Variants in FGD6 observed in about 807,000 individuals in gnomAD.
FGD6 encodes FYVE, RhoGEF and PH domain-containing protein 6.
FGD6 carries 90 observed loss-of-function variants against 149.4 expected under a neutral mutation model. The observed-to-expected ratio is 0.60, with a 90% CI of 0.51 to 0.72. The LOEUF is 0.72. Among genes scored for constraint, FGD6 ranks in the 30% least tolerant of loss-of-function variants. FGD6 has a pLI of 0.00. For synonymous variants in FGD6, 527 were observed against 584.0 expected (o/e 0.90, Z 1.41); for missense variants, 1,437 against 1,684.8 (o/e 0.85, Z 2.57).
At chr12:95,187,652 C>CAAAA (rs748641850) in intron 2 of FGD6, among the ~76,000 whole-genome samples, 1 of 106,686 alleles carries the variant, frequency 9.4e-6, no homozygotes. Context: ...GCTGCGTCCC[C>CAAAA]AAAAAAAAAA....
chr12:95,102,477 A>C (rs1230061703), intron 14 of FGD6, among the ~76,000 whole-genome samples: 1 of 151,128 alleles, frequency 6.6e-6, no homozygotes, highest in Non-Finnish European at 1.5e-5. Flanking sequence ...ACACAACAAC[A>C]ATAAAGGAAA....
intron 5 of FGD6, among the ~76,000 whole-genome samples, chr12:95,152,142 A>T (rs1880327194): frequency 6.6e-6 from 1 of 152,090 alleles, no homozygotes; most frequent in South Asian, 2.1e-4. Flanking sequence ...CCCGGGTAAC[A>T]TGTTGAAACC....
intron 8 of FGD6, among the ~76,000 whole-genome samples, chr12:95,115,107 G>A (rs1878966637): frequency 6.6e-6 from 1 of 152,150 alleles, no homozygotes. Flanking sequence ...CTCACTTTAT[G>A]CTTCTATCAT....
At position 95,086,000 on chromosome 12, in the gene FGD6, C is replaced by T. The variant is rs1877852402; in HGVS notation, c.3979-92G>A. The stretch of plus-strand genomic sequence containing the variant: ...AACCAATAGGTGCTGAAAGCAATAA[C>T]TGTAATGATAGAATGTTTCAGAATG... On this transcript the variant is annotated intron_variant, in intron 18 of 20. Coordinates refer to ENST00000343958, the MANE Select transcript of FGD6 (RefSeq NM_018351.4). 3 of 1,207,438 alleles carry T rather than the reference C, an allele frequency of 2.5e-6. No homozygotes were observed. The South Asian group carries it at 4.6e-5, about 19-fold the overall frequency. The allele number at this position is 1,207,438 out of a possible 1,614,324, so 74.8% of individuals were successfully genotyped here. A position where few individuals can be genotyped will look rare whatever the true frequency, so the allele number is the denominator to read the frequency against.
At chr12:95,134,877 G>T in intron 7 of FGD6, 51 bp from the exon 8 acceptor site, 1 of 1,494,578 alleles carries the variant, frequency 6.7e-7, no homozygotes, top group Non-Finnish European at 9.1e-7. Flanking sequence ...AGAAGCAAGG[G>T]ACCCAGATTC....
chr12:95,184,511 ATCTT>A (rs1210132220), intron 2 of FGD6, among the ~76,000 whole-genome samples: 1 of 151,858 alleles, frequency 6.6e-6, no homozygotes, highest in Non-Finnish European at 1.5e-5. Context: ...AGGAACCCAC[ATCTT>A]TCTGAGACAG....
At chr12:95,124,361 A>AC (rs1879279179) in intron 8 of FGD6, among the ~76,000 whole-genome samples, 1 of 152,240 alleles carries the variant, frequency 6.6e-6, no homozygotes, top group South Asian at 2.1e-4. Context: ...CTGAGTATCA[A>AC]CAAAGCAAAC....
chr12:95,210,771 C>G lies in FGD6; in HGVS notation c.513G>C (p.Gly171=). The change falls in exon 2 of 21, where the codon GGG becomes GGC. Residue 171 remains glycine (G), a synonymous_variant. Coordinates refer to ENST00000343958, the MANE Select transcript of FGD6 (RefSeq NM_018351.4). Reference sequence around the variant, plus strand: ...CTAAAACGCTTGCCTTTAAAACAACCCCACCCTGGTTCTTGGCTTTTTCAC... The same window carrying G: ...CTAAAACGCTTGCCTTTAAAACAACGCCACCCTGGTTCTTGGCTTTTTCAC... ...LYGEKAKNQG[G]VVLKASVLEE... 3 of 1,614,020 alleles carry G rather than the reference C, an allele frequency of 1.9e-6. No homozygotes were observed. The highest frequency in any genetic ancestry group is 2.5e-6 in the Non-Finnish European group (3 of 1,180,012).
intron 8 of FGD6, among the ~76,000 whole-genome samples, chr12:95,114,493 CG>C (rs1878945766): frequency 4.2e-5 from 6 of 142,894 alleles, no homozygotes; most frequent in African/African-American, 5.2e-5. Context: ...CACACACACA[CG>C]TCAGACGTGC....
chr12:95,193,530 GTT>G (rs754634855), intron 2 of FGD6, among the ~76,000 whole-genome samples: 5 of 129,140 alleles, frequency 3.9e-5, no homozygotes, highest in South Asian at 2.5e-4. Flanking sequence ...GTTAATTCTT[GTT>G]TTTTTTTTTT....
chr12:95,141,598 T>C (rs1879848743), intron 5 of FGD6, 59 bp from the exon 6 acceptor site: 1 of 1,575,430 alleles, frequency 6.3e-7, no homozygotes, highest in Admixed American at 1.7e-5. Context: ...TAACAAGCTT[T>C]TATCCTCAGT....
intron 5 of FGD6, among the ~76,000 whole-genome samples, chr12:95,148,683 TTA>T (rs1369706203): frequency 9.5e-6 from 1 of 105,014 alleles, no homozygotes; most frequent in African/African-American, 3.9e-5. Context: ...ATATGTTATA[TTA>T]TATATATTAT....
At chr12:95,212,389 A>G (rs894551857) in intron 1 of FGD6, among the ~76,000 whole-genome samples, 1 of 152,216 alleles carries the variant, frequency 6.6e-6, no homozygotes, top group East Asian at 1.9e-4. Context: ...TATTTAACTA[A>G]CACCTATTAT....
chr12:95,174,086 G>A (rs899997256), intron 2 of FGD6, among the ~76,000 whole-genome samples: 14 of 151,994 alleles, frequency 9.2e-5, no homozygotes, highest in Admixed American at 6.6e-5. Context: ...TCATAGCCTC[G>A]TAAGGTGGGT....
At position 95,101,243 on chromosome 12, in the gene FGD6, A is replaced by G. The variant is rs1000226055; in HGVS notation, c.3497+3764T>C. ...ACCCCTGTAGTCCCAGTGACTCGGA[A>G]GGCTAGGGCAGAAGAATTGCTCGAA... On this transcript the variant is annotated intron_variant, in intron 14 of 20. Transcript: ENST00000343958. Among the ~76,000 whole-genome samples, 63 of 151,944 alleles carry G rather than the reference A, an allele frequency of 4.1e-4. 1 individual carries two copies. Among genetic ancestry groups the G allele is most frequent in the Non-Finnish European group, 8.8e-5 (6 of 68,002 alleles).
intron 7 of FGD6, 59 bp from the exon 8 acceptor site, chr12:95,134,885 T>C: frequency 7.0e-7 from 1 of 1,428,612 alleles, no homozygotes; most frequent in South Asian, 1.3e-5. Context: ...GGGACCCAGA[T>C]TCAAGTGCTC....
At chr12:95,088,318 T>TA (rs1462746719) in intron 18 of FGD6, among the ~76,000 whole-genome samples, 2 of 152,096 alleles carry the variant, frequency 1.3e-5, no homozygotes, top group Admixed American at 6.6e-5. Flanking sequence ...ACTAAAATCT[T>TA]AGACTTTACC....
chr12:95,113,422 G>T (rs1468606445), intron 9 of FGD6, among the ~76,000 whole-genome samples: 1 of 151,816 alleles, frequency 6.6e-6, no homozygotes, highest in African/African-American at 2.4e-5. Context: ...TTTTAGTAGA[G>T]AAGGGGTTTC....
rs1403557768 is a variant in FGD6, at chr12:95,080,341, T to C, written c.*1179A>G. 1 of 152,248 alleles carries C rather than the reference T, an allele frequency of 6.6e-6. No homozygotes were observed. The highest frequency in any genetic ancestry group is 1.5e-5 in the Non-Finnish European group (1 of 68,048). 9.4% of individuals were successfully genotyped at this position (152,248 alleles called of 1,614,324 possible). A position where few individuals can be genotyped will look rare whatever the true frequency, so the allele number is the denominator to read the frequency against. ...TTTATCACAGTGTTATTTCATTTTC[T>C]TCTGCTAATCAACAATTGTATGTGC... is the stretch of plus-strand genomic sequence containing the variant. On this transcript the variant is annotated 3_prime_UTR_variant, in exon 21 of 21. Transcript: ENST00000343958.
Sources: allele counts gnomAD v4.1 joint callset (sites outside exome capture counted in the v4.1 genomes callset), GRCh38; gene constraint gnomAD v4.1.1; transcripts MANE v1.5; gene names NCBI Gene and HGNC (gene_info 2026-07-23, HGNC 2026-07-21).